PTPRT: variants seen among roughly 807,000 people sequenced by gnomAD.
The protein encoded by PTPRT is protein tyrosine phosphatase receptor type T.
In PTPRT, 56 loss-of-function variants were observed where a neutral mutation model predicts 176.8. The ratio of observed to expected loss-of-function variants is 0.32; its 90% CI spans 0.26 to 0.40. The LOEUF is 0.40. Among genes scored for constraint, PTPRT ranks in the 10% least tolerant of loss-of-function variants. The pLI is 1.00. For missense variants in PTPRT, 1,540 were observed against 1,908.2 expected, an observed-to-expected ratio of 0.81 and a Z score of 3.60; for synonymous variants, 783 against 739.0, an observed-to-expected ratio of 1.06 and a Z score of -0.96.
In PTPRT at chr20:42,317,785, G is replaced by T. The variant is rs144170119; in HGVS notation, c.1866-1789C>A. Among the ~76,000 whole-genome samples, 425 of 152,274 alleles carry T rather than the reference G, an allele frequency of 2.8e-3. 1 individual carries two copies. Among genetic ancestry groups the T allele is most frequent in the Middle Eastern group, 6.8e-3 (2 of 294 alleles). Reference sequence around the variant, plus strand: ...TTTTCTTGAGCATAGGAATTTTCAGGCATGCGAAAAGGAAGCGCTGGGCAT... The same window carrying T: ...TTTTCTTGAGCATAGGAATTTTCAGTCATGCGAAAAGGAAGCGCTGGGCAT... On this transcript the variant is annotated intron_variant, in intron 11 of 30. Transcript: ENST00000373187.
chr20:42,075,398 G>A lies in PTPRT; in HGVS notation c.*5481C>T, dbSNP rs1233520252. 3 of 228,040 alleles carry A rather than the reference G, an allele frequency of 1.3e-5. No individual in the cohort carries two copies. The highest frequency in any genetic ancestry group is 1.7e-5 in the Non-Finnish European group (2 of 114,892). 14.1% of individuals were successfully genotyped at this position (228,040 alleles called of 1,614,324 possible). On this transcript the variant is annotated 3_prime_UTR_variant, in exon 31 of 31. Transcript: ENST00000373187. ...TGGGGATCCTGGCCCAGCACAACCT[G>A]TTGACATGACTTAGGAACAGCGTCC... is the stretch of plus-strand genomic sequence containing the variant.
chr20:42,677,913 C>T lies in PTPRT; in HGVS notation c.1106G>A (p.Gly369Asp), dbSNP rs2146064763. 6.2e-7 allele frequency: 1 copy of T among 1,613,986 alleles called. No homozygotes were observed. Among genetic ancestry groups the T allele is most frequent in the Non-Finnish European group, 8.5e-7 (1 of 1,179,958 alleles). ...GAGGGGAGGCCCTGGCGGTCCCGTA[C>T]CCCCCTCACCTGGTCGTGTGAGGAG... ...RVLLTRPGEG[G>D]TGPPGPPLTT... Residue 369 changes from glycine to aspartate, a missense_variant, in exon 7 of 31, where the codon GGT (glycine) becomes GAT (aspartate). Coordinates refer to ENST00000373187, the MANE Select transcript of PTPRT (RefSeq NM_007050.6).
intron 7 of PTPRT, among the ~76,000 whole-genome samples, chr20:42,591,495 A>C (rs1471762004): frequency 1.3e-5 from 2 of 152,160 alleles, no homozygotes; most frequent in Non-Finnish European, 2.9e-5. Context: ...TTTAATCTTG[A>C]CTCAGTTATG....
chr20:42,515,634 C>A (rs893114697), intron 7 of PTPRT, among the ~76,000 whole-genome samples: 3 of 152,088 alleles, frequency 2.0e-5, no homozygotes, highest in African/African-American at 7.2e-5. Flanking sequence ...TATTGAAGTA[C>A]AATAGATCAA....
At chr20:42,419,701 A>G (rs1390916755) in intron 9 of PTPRT, among the ~76,000 whole-genome samples, 1 of 151,884 alleles carries the variant, frequency 6.6e-6, no homozygotes, top group Non-Finnish European at 1.5e-5. Context: ...ACTTCCTCCT[A>G]TAATTTCTGT....
the PTPRT span, among the ~76,000 whole-genome samples, chr20:42,034,539 A>G: frequency 3.3e-5 from 5 of 152,178 alleles, no homozygotes; most frequent in African/African-American, 7.2e-5. Context: ...GTCTCAGGCC[A>G]GAGGCTGTGG....
chr20:42,602,937 T>C (rs941345582), intron 7 of PTPRT, among the ~76,000 whole-genome samples: 20 of 151,962 alleles, frequency 1.3e-4, no homozygotes, highest in Admixed American at 1.3e-4. Context: ...GACTTAAGAG[T>C]CAGTAAATGT....
intron 7 of PTPRT, among the ~76,000 whole-genome samples, chr20:42,670,115 G>A (rs2075388014): frequency 6.6e-6 from 1 of 152,162 alleles, no homozygotes; most frequent in African/African-American, 2.4e-5. Context: ...AGTACACAGA[G>A]TAGCAGCTAG....
intron 7 of PTPRT, among the ~76,000 whole-genome samples, chr20:42,660,843 T>A (rs549434392): frequency 3.3e-5 from 5 of 151,832 alleles, no homozygotes; most frequent in African/African-American, 4.8e-5. Context: ...GTGTTTTTTG[T>A]TTGTTTGTTT....
intron 6 of PTPRT, among the ~76,000 whole-genome samples, chr20:42,718,203 G>A (rs888250252): frequency 6.6e-6 from 1 of 152,222 alleles, no homozygotes; most frequent in Non-Finnish European, 1.5e-5. Flanking sequence ...CAGTAGAATG[G>A]ATACATTTTG....
chr20:42,676,277 AG>A (rs2075500377), intron 7 of PTPRT, among the ~76,000 whole-genome samples: 1 of 152,088 alleles, frequency 6.6e-6, no homozygotes, highest in South Asian at 2.1e-4. Context: ...TATGGCCCCT[AG>A]CCCCATTTTT....
chr20:42,550,626 C>A (rs746962788), intron 7 of PTPRT, among the ~76,000 whole-genome samples: 2 of 152,048 alleles, frequency 1.3e-5, no homozygotes, highest in South Asian at 2.1e-4. Flanking sequence ...ACAAAGGAAC[C>A]ACTTTGGCTC....
intron 6 of PTPRT, among the ~76,000 whole-genome samples, chr20:42,702,572 C>T (rs2075990032): frequency 6.6e-6 from 1 of 152,216 alleles, no homozygotes; most frequent in Non-Finnish European, 1.5e-5. Context: ...TAACAATCTA[C>T]TTCAGTGCAT....
At chr20:42,246,689 G>A (rs1332945233) in intron 14 of PTPRT, among the ~76,000 whole-genome samples, 6 of 152,222 alleles carry the variant, frequency 3.9e-5, no homozygotes, top group East Asian at 1.9e-4. Context: ...TGATGGTGAC[G>A]TGGGTTAAGC....
chr20:42,042,793 A>G, the PTPRT span, among the ~76,000 whole-genome samples: 11 of 152,324 alleles, frequency 7.2e-5, no homozygotes, highest in African/African-American at 2.6e-4. Flanking sequence ...AACTTGCGAA[A>G]GCTCATGTTT....
chr20:43,077,659 C>T (rs2011314548), intron 1 of PTPRT, among the ~76,000 whole-genome samples: 1 of 152,132 alleles, frequency 6.6e-6, no homozygotes, highest in Non-Finnish European at 1.5e-5. Context: ...TCTAAAAACA[C>T]ACCGGCTTCA....
chr20:43,071,401 G>C (rs2011178653), intron 1 of PTPRT, among the ~76,000 whole-genome samples: 2 of 152,286 alleles, frequency 1.3e-5, no homozygotes, highest in Middle Eastern at 3.4e-3. Flanking sequence ...GCTCGAGTTT[G>C]AGAACTGCAG....
chr20:42,721,509 G>A (rs755010042), intron 6 of PTPRT, among the ~76,000 whole-genome samples: 2 of 152,202 alleles, frequency 1.3e-5, no homozygotes, highest in South Asian at 2.1e-4. Context: ...GGGAGCAGTC[G>A]GGCTGGCCCT....
intron 1 of PTPRT, among the ~76,000 whole-genome samples, chr20:43,025,510 C>T (rs1204780437): frequency 6.6e-6 from 1 of 152,202 alleles, no homozygotes; most frequent in East Asian, 1.9e-4. Context: ...AACATCTAGC[C>T]TAATTTCCTG....
Sources: allele counts gnomAD v4.1 joint callset (sites outside exome capture counted in the v4.1 genomes callset), GRCh38; gene constraint gnomAD v4.1.1; transcripts MANE v1.5; gene names NCBI Gene and HGNC (gene_info 2026-07-23, HGNC 2026-07-21).